MRRF: variants seen among roughly 807,000 people sequenced by gnomAD.
The protein encoded by MRRF is mitochondrial ribosome recycling factor, also known as ribosome-recycling factor, mitochondrial.
Under a neutral mutation model 25.1 loss-of-function variants are expected in MRRF, and 18 were observed. The observed-to-expected ratio is 0.72, with a 90% confidence interval of 0.50 to 1.06. The LOEUF is 1.06. MRRF is among the 50% of genes least tolerant of loss of function. MRRF has a pLI of 0.00. For synonymous variants in MRRF, 113 were observed against 112.1 expected (o/e 1.01, Z -0.05); for missense variants, 323 against 319.3 (o/e 1.01, Z -0.09).
In MRRF at chr9:122,317,217, A is replaced by G. The variant is rs114964340; in HGVS notation, c.711+3831A>G. ...TACTGTGTTTTTAGAATATATATGT[A>G]TTTAATTTGCCTTTTATAACCCCTA... On this transcript the variant is annotated intron_variant, in intron 6 of 6. Transcript: ENST00000344641. Among the ~76,000 whole-genome samples the G allele has an allele frequency of 6.7e-3, 1,017 of 152,118 alleles. 6 individuals carry two copies. The highest frequency in any genetic ancestry group is 0.024 in the African/African-American group (982 of 41,562).
intron 1 of MRRF, among the ~76,000 whole-genome samples, chr9:122,266,281 G>C (rs1431079539): frequency 6.6e-6 from 1 of 152,242 alleles, no homozygotes; most frequent in Non-Finnish European, 1.5e-5. Flanking sequence ...GTGCTATGAT[G>C]AAGTAAAGGG....
At chr9:122,283,604 T>C (rs557298263) in intron 3 of MRRF, among the ~76,000 whole-genome samples, 1 of 152,352 alleles carries the variant, frequency 6.6e-6, no homozygotes, top group Non-Finnish European at 1.5e-5. Context: ...TTCTGTCTTA[T>C]GATGACATTG....
chr9:122,312,569 A>G (rs1399570706), intron 5 of MRRF, among the ~76,000 whole-genome samples: 1 of 152,228 alleles, frequency 6.6e-6, no homozygotes, highest in Non-Finnish European at 1.5e-5. Flanking sequence ...GTAAGGAAGC[A>G]TAAGCATGTC....
chr9:122,265,872 G>A, intron 1 of MRRF: 1 of 655,190 alleles, frequency 1.5e-6, no homozygotes, highest in Admixed American at 2.3e-5. Flanking sequence ...GGCCGTGCCA[G>A]GTGCATAATG....
rs543739054 is a variant in MRRF, at chr9:122,297,257, C to T, written c.551+5417C>T. On this transcript the variant is annotated intron_variant, in intron 5 of 6. Transcript: ENST00000344641. ...CCGGGAGGTGGAGGTTGCAGTGAGC[C>T]GAGATCGTGCCATTGCACCCCAACC... is the stretch of plus-strand genomic sequence containing the variant. 5.9e-5 allele frequency among the ~76,000 whole-genome samples: 9 copies of T among 152,206 alleles called. No individual in the cohort carries two copies. In the South Asian group the frequency reaches 8.3e-4, roughly 14 times the overall value.
intron 3 of MRRF, among the ~76,000 whole-genome samples, chr9:122,283,467 T>G (rs1021450314): frequency 6.6e-6 from 1 of 152,168 alleles, no homozygotes; most frequent in Admixed American, 6.5e-5. Flanking sequence ...GGTCTACCCA[T>G]GGTCACACAA....
At chr9:122,301,598 C>T (rs537454287) in intron 5 of MRRF, among the ~76,000 whole-genome samples, 4 of 152,148 alleles carry the variant, frequency 2.6e-5, no homozygotes, top group Non-Finnish European at 5.9e-5. Flanking sequence ...GGATAACCTT[C>T]GGACAGCAGT....
rs1042132489 is a variant in MRRF, at chr9:122,325,953, G to A, written c.*3336G>A. ...TCCCACCTCAGCCTCCTGAGTAGCT[G>A]GGACTGCAGCTATGCACCACCACAC... On this transcript the variant is annotated 3_prime_UTR_variant, in exon 7 of 7. Transcript: ENST00000344641. The A allele has an allele frequency of 6.6e-6, 1 of 151,110 alleles. No homozygotes were observed. The highest frequency in any genetic ancestry group is 1.5e-5 in the Non-Finnish European group (1 of 67,900). 9.4% of individuals were successfully genotyped at this position (151,110 alleles called of 1,614,324 possible).
chr9:122,294,580 T>C (rs1833970249), intron 5 of MRRF, among the ~76,000 whole-genome samples: 1 of 152,180 alleles, frequency 6.6e-6, no homozygotes, highest in Non-Finnish European at 1.5e-5. Context: ...TTATAACGTT[T>C]GGTAGTTTTC....
chr9:122,301,900 A>ATTT (rs563268615), intron 5 of MRRF, among the ~76,000 whole-genome samples: 1,431 of 141,118 alleles, frequency 0.01, 9 homozygotes, highest in Non-Finnish European at 0.017. Flanking sequence ...CACCCGGCTA[A>ATTT]TTTTTTTTTT....
intron 1 of MRRF, among the ~76,000 whole-genome samples, chr9:122,270,226 C>A (rs1188023809): frequency 2.0e-5 from 3 of 152,320 alleles, no homozygotes; most frequent in Middle Eastern, 6.8e-3. Context: ...GGCATCTTTC[C>A]ATGGTCAAAG....
In MRRF at chr9:122,329,542, G is replaced by A. The variant is rs1836227757; in HGVS notation, c.*6925G>A. Reference sequence around the variant, plus strand: ...GCATCTGACGTTCAGCTACCCACCTGCGTTTCCTCTCTCAGGAAAAGCCTC... The same window carrying A: ...GCATCTGACGTTCAGCTACCCACCTACGTTTCCTCTCTCAGGAAAAGCCTC... On this transcript the variant is annotated 3_prime_UTR_variant, in exon 7 of 7. Coordinates refer to ENST00000344641, the MANE Select transcript of MRRF (RefSeq NM_138777.5). 1 of 152,238 alleles carries A rather than the reference G, an allele frequency of 6.6e-6. No individual in the cohort carries two copies. The highest frequency in any genetic ancestry group is 6.5e-5 in the Admixed American group (1 of 15,272). 9.4% of individuals were successfully genotyped at this position (152,238 alleles called of 1,614,324 possible). A position where few individuals can be genotyped will look rare whatever the true frequency, so the allele number is the denominator to read the frequency against.
chr9:122,285,287 G>C lies in MRRF; in HGVS notation c.459G>C (p.Glu153Asp). 2 of 1,579,376 alleles carry C rather than the reference G, an allele frequency of 1.3e-6. No homozygotes were observed. Among genetic ancestry groups the C allele is most frequent in the Non-Finnish European group, 8.7e-7 (1 of 1,148,430 alleles). ...LILVNMASFPECTAAAIKAIR... is the reference protein window; with the variant it reads ...LILVNMASFPDCTAAAIKAIR... ...TGGTGAATATGGCCAGCTTCCCAGAGGTAAGATGGCCTTGCTAAAATCTCT... is the reference window on the plus strand; with the variant it reads ...TGGTGAATATGGCCAGCTTCCCAGACGTAAGATGGCCTTGCTAAAATCTCT... The change falls in exon 4 of 7, where the codon GAG becomes GAC. Residue 153 changes from glutamate (E) to aspartate (D), a missense_variant and splice_region_variant. Transcript: ENST00000344641.
chr9:122,265,722 A>G lies in MRRF; in HGVS notation c.-29+784A>G, dbSNP rs937089606. On this transcript the variant is annotated intron_variant, in intron 1 of 6. Transcript: ENST00000344641. ...ACAAGTCAGTGGTAGAGCTGCCGCA[A>G]ATGCTTTTTGAATACGTGTGATTAT... The G allele has an allele frequency of 2.2e-5, 28 of 1,286,128 alleles. No individual in the cohort carries two copies. In the African/African-American group the frequency reaches 4.3e-4, roughly 20 times the overall value. 79.7% of individuals were successfully genotyped at this position (1,286,128 alleles called of 1,614,324 possible).
intron 5 of MRRF, among the ~76,000 whole-genome samples, chr9:122,302,826 C>G (rs1390986144): frequency 6.6e-6 from 1 of 152,162 alleles, no homozygotes; most frequent in Non-Finnish European, 1.5e-5. Context: ...ATTTTAAATT[C>G]CCACTAGCAA....
rs189587521 is a variant in MRRF, at chr9:122,285,822, G to A, written c.459+535G>A. ...ACAATACTTTAATGGGCCAAATGTG[G>A]CCTGAGGGCCACCAATTTGTGACCT... On this transcript the variant is annotated intron_variant, in intron 4 of 6. Transcript: ENST00000344641. The A allele has an allele frequency of 1.4e-5, 18 of 1,282,556 alleles. No individual in the cohort carries two copies. In the East Asian group the frequency reaches 1.0e-3, roughly 71 times the overall value. The allele number at this position is 1,282,556 out of a possible 1,614,324, so 79.4% of individuals were successfully genotyped here.
chr9:122,268,796 C>G (rs1371811886), intron 1 of MRRF, among the ~76,000 whole-genome samples: 1 of 152,314 alleles, frequency 6.6e-6, no homozygotes, highest in African/African-American at 2.4e-5. Context: ...TCACTAACTT[C>G]TAGTATCCCT....
chr9:122,304,545 C>T (rs1180764885), intron 5 of MRRF, among the ~76,000 whole-genome samples: 1 of 152,126 alleles, frequency 6.6e-6, no homozygotes, highest in African/African-American at 2.4e-5. Flanking sequence ...AAATTGCACC[C>T]AAAAGGACAG....
chr9:122,289,957 A>C (rs1294670446), intron 4 of MRRF, among the ~76,000 whole-genome samples: 1 of 151,434 alleles, frequency 6.6e-6, no homozygotes, highest in African/African-American at 2.4e-5. Context: ...TGGGAGGCTG[A>C]GGTGGAGAGT....
Sources: gnomAD v4.1 joint callset for allele counts (sites outside exome capture counted in the v4.1 genomes callset) on GRCh38, gnomAD v4.1.1 for gene constraint, MANE v1.5 for transcripts, NCBI Gene and HGNC (gene_info 2026-07-23, HGNC 2026-07-21) for gene names.